Variants in RPS6KA2 observed in about 807,000 individuals in gnomAD.
RPS6KA2 encodes the protein ribosomal protein S6 kinase alpha-2.
Under a neutral mutation model 91.8 loss-of-function variants are expected in RPS6KA2, and 42 were observed. The observed-to-expected ratio is 0.46, with a 90% CI of 0.36 to 0.59. The LOEUF (loss-of-function observed/expected upper bound fraction) is 0.59. Ranked by LOEUF, RPS6KA2 falls within the 20% of genes least tolerant of loss-of-function variation. RPS6KA2 has a pLI of 0.00. For synonymous variants in RPS6KA2, 414 were observed against 393.6 expected (o/e 1.05, Z -0.61); for missense variants, 798 against 978.5 (o/e 0.82, Z 2.46).
At chr6:166,468,872 A>AAAAAAG (rs1780643959) in intron 11 of RPS6KA2, among the ~76,000 whole-genome samples, 1 of 151,530 alleles carries the variant, frequency 6.6e-6, no homozygotes, top group South Asian at 2.1e-4. Flanking sequence ...AAAAAAAAAA[A>AAAAAAG]AGAAGACAGA....
chr6:166,482,491 T>C (rs1455922098), intron 10 of RPS6KA2, among the ~76,000 whole-genome samples: 1 of 152,240 alleles, frequency 6.6e-6, no homozygotes, highest in Non-Finnish European at 1.5e-5. Context: ...GGGACAGGTA[T>C]CTGTGCTCCG....
Position 166,737,443 on chromosome 6 carries a change from C to T in RPS6KA2, c.123+120757G>A, listed in dbSNP as rs1026233962. Among the ~76,000 whole-genome samples the T allele has an allele frequency of 1.3e-5, 2 of 152,136 alleles. No homozygotes were observed. Among genetic ancestry groups the T allele is most frequent in the Non-Finnish European group, 2.9e-5 (2 of 68,040 alleles). ...TAGCCAGACACCTCGAGAAATGACG[C>T]ACGCCTTACTCATTTATAATCAGCA... On this transcript the variant is annotated intron_variant, in intron 2 of 21. Coordinates refer to the RPS6KA2 transcript ENST00000503859. The surrounding 1 kb of genome is among the most constrained non-coding windows in gnomAD (Gnocchi z 4.3).
intron 1 of RPS6KA2, among the ~76,000 whole-genome samples, chr6:166,547,382 T>C (rs1460866473): frequency 6.6e-6 from 1 of 152,204 alleles, no homozygotes; most frequent in Non-Finnish European, 1.5e-5. Flanking sequence ...GATGGGGTGA[T>C]GGGGAAAGTC....
intron 2 of RPS6KA2, among the ~76,000 whole-genome samples, chr6:166,857,042 C>T (rs1413900244): frequency 2.6e-5 from 4 of 152,248 alleles, no homozygotes; most frequent in Non-Finnish European, 5.9e-5. Context: ...AAACGTAAGG[C>T]AGCTGAATGC....
At position 166,825,825 on chromosome 6, in the gene RPS6KA2, T is replaced by G. The variant is rs776108523; in HGVS notation, c.123+32375A>C. ...CTCCCAATACCATCACCTTGAGGGT[T>G]AGGATTTCAACACGAATTCTGGGAG... On this transcript the variant is annotated intron_variant, in intron 2 of 21. Coordinates refer to the RPS6KA2 transcript ENST00000503859. The surrounding 1 kb of genome is among the most constrained non-coding windows in gnomAD (Gnocchi z 4.1). Among the ~76,000 whole-genome samples, 1 of 152,160 alleles carries G rather than the reference T, an allele frequency of 6.6e-6. No individual in the cohort carries two copies. The highest frequency in any genetic ancestry group is 2.4e-5 in the African/African-American group (1 of 41,416).
chr6:166,503,790 G>A (rs2128479678), intron 6 of RPS6KA2, among the ~76,000 whole-genome samples: 1 of 152,348 alleles, frequency 6.6e-6, no homozygotes, highest in Middle Eastern at 3.4e-3. Context: ...ATGAAAATGG[G>A]AACACTATTA....
intron 2 of RPS6KA2, among the ~76,000 whole-genome samples, chr6:166,814,749 C>G (rs1379583831): frequency 2.0e-5 from 3 of 152,214 alleles, no homozygotes; most frequent in Non-Finnish European, 1.5e-5. Context: ...AGGTTGCCCA[C>G]TCCTTATGAG....
chr6:166,470,958 C>G (rs986884902), intron 10 of RPS6KA2, among the ~76,000 whole-genome samples: 4 of 152,174 alleles, frequency 2.6e-5, no homozygotes, highest in Non-Finnish European at 4.4e-5. Context: ...CGAGAAGAGG[C>G]GGGCTTGGCT....
intron 2 of RPS6KA2, among the ~76,000 whole-genome samples, chr6:166,674,666 C>T (rs759214528): frequency 1.6e-4 from 24 of 152,110 alleles, no homozygotes; most frequent in Non-Finnish European, 3.2e-4. Context: ...ATGATGAAGA[C>T]AGTGTTTTGT....
At chr6:166,822,055 C>T (rs1221140886) in intron 2 of RPS6KA2, among the ~76,000 whole-genome samples, 1 of 152,198 alleles carries the variant, frequency 6.6e-6, no homozygotes, top group African/African-American at 2.4e-5. Context: ...GCTGCTCGCG[C>T]CACCACCATC....
At chr6:166,845,142 G>A (rs537926221) in intron 2 of RPS6KA2, among the ~76,000 whole-genome samples, 2 of 152,174 alleles carry the variant, frequency 1.3e-5, no homozygotes, top group African/African-American at 4.8e-5. Flanking sequence ...TATAAAAGCA[G>A]TAGTTCAACA....
chr6:166,794,276 A>T (rs1207351285), intron 2 of RPS6KA2, among the ~76,000 whole-genome samples: 1 of 150,888 alleles, frequency 6.6e-6, no homozygotes, highest in African/African-American at 2.4e-5. Context: ...ACTGGCCATC[A>T]GAGAAATGCA....
At chr6:166,705,121 G>A (rs977066362) in intron 2 of RPS6KA2, among the ~76,000 whole-genome samples, 5 of 152,146 alleles carry the variant, frequency 3.3e-5, no homozygotes, top group African/African-American at 1.2e-4. Flanking sequence ...ATCTTATTCT[G>A]AGATGTTCAC....
At chr6:166,646,276 G>T (rs1787598559) in intron 2 of RPS6KA2, among the ~76,000 whole-genome samples, 1 of 152,212 alleles carries the variant, frequency 6.6e-6, no homozygotes, top group African/African-American at 2.4e-5. Flanking sequence ...CAGAACAGAA[G>T]CGGCGGCTGG....
Position 166,543,834 on chromosome 6 carries a change from C to T in RPS6KA2, c.100-5050G>A, listed in dbSNP as rs75480228. ...TCCTGAGTGTGTGCACGTGTGTGTG[C>T]GCATGTGTACATGTGGAATGCACAT... On this transcript the variant is annotated intron_variant, in intron 1 of 20. Transcript: ENST00000265678. Among the ~76,000 whole-genome samples, 55 of 152,126 alleles carry T rather than the reference C, an allele frequency of 3.6e-4. 1 individual carries two copies. The East Asian group carries it at 9.3e-3, about 26-fold the overall frequency.
intron 1 of RPS6KA2, among the ~76,000 whole-genome samples, chr6:166,861,811 T>A (rs550602742): frequency 1.8e-4 from 27 of 152,346 alleles, no homozygotes; most frequent in Admixed American, 1.4e-3. Context: ...CTTTAAGACT[T>A]ACATAGACTT....
intron 14 of RPS6KA2, 95 bp from the exon 15 acceptor site, chr6:166,432,585 C>T (rs1779173019): frequency 1.4e-6 from 1 of 704,366 alleles, no homozygotes; most frequent in African/African-American, 1.8e-5. Flanking sequence ...AAGTCTGGCC[C>T]CAGGTGGCCC....
intron 4 of RPS6KA2, chr6:166,509,331 T>C (rs1782381376): frequency 5.9e-6 from 1 of 170,198 alleles, no homozygotes; most frequent in African/African-American, 2.4e-5. Context: ...GTAATGTAAA[T>C]GACACGTGGG....
chr6:166,801,662 G>A (rs1779369790), intron 2 of RPS6KA2, among the ~76,000 whole-genome samples: 1 of 152,044 alleles, frequency 6.6e-6, no homozygotes, highest in Admixed American at 6.6e-5. Flanking sequence ...TGTTTAATGA[G>A]TCTAATTTTA....
Sources: allele counts gnomAD v4.1 joint callset (sites outside exome capture counted in the v4.1 genomes callset), GRCh38; gene constraint gnomAD v4.1.1; non-coding constraint Gnocchi (gnomAD v3.1); transcripts MANE v1.5; gene names NCBI Gene and HGNC (gene_info 2026-07-23, HGNC 2026-07-21).